The following TCF4 variants were observed in gnomAD, a reference collection of about 807,000 sequenced individuals.
The protein encoded by TCF4 is transcription factor 4, also known as SL3-3 enhancer factor 2.
A neutral mutation model predicts 82.1 loss-of-function variants in TCF4; 3 were observed. That is an observed-to-expected ratio of 0.04 (90% CI 0.02 to 0.09). TCF4 has a LOEUF of 0.09. TCF4 is among the 10% of genes least tolerant of loss of function. The pLI is 1.00. For missense variants in TCF4, 518 were observed against 852.7 expected, an observed-to-expected ratio of 0.61 and a Z score of 4.89; for synonymous variants, 276 against 309.6, an observed-to-expected ratio of 0.89 and a Z score of 1.14.
chr18:55,230,599 C>T (rs1367663966), intron 17 of TCF4: 2 of 152,122 alleles, frequency 1.3e-5, no homozygotes, highest in Non-Finnish European at 2.9e-5. Flanking sequence ...AAGTGACTAA[C>T]AATTAACCTA....
chr18:55,480,356 A>G lies in TCF4; in HGVS notation c.146-16219T>C, dbSNP rs542692110. On this transcript the variant is annotated intron_variant, in intron 3 of 19. Transcript: ENST00000354452. ...CACTTACTGTTATGGTCATAGCATGATATTTGACACCAAAAGGATACAAAA... is the reference window on the plus strand; with the variant it reads ...CACTTACTGTTATGGTCATAGCATGGTATTTGACACCAAAAGGATACAAAA... Among the ~76,000 whole-genome samples, 19 of 149,966 alleles carry G rather than the reference A, an allele frequency of 1.3e-4. No individual in the cohort carries two copies. The South Asian group carries it at 4.0e-3, about 32-fold the overall frequency.
intron 5 of TCF4, among the ~76,000 whole-genome samples, chr18:55,409,024 A>T (rs1454939280): frequency 6.6e-6 from 1 of 152,218 alleles, no homozygotes; most frequent in East Asian, 1.9e-4. Flanking sequence ...ATTCTGTGAC[A>T]TCTTACAATA....
At chr18:55,585,737 G>A (rs1568464085) in intron 2 of TCF4, 1 of 1,086,010 alleles carries the variant, frequency 9.2e-7, no homozygotes, top group Non-Finnish European at 1.1e-6. Flanking sequence ...GGCCATAAAC[G>A]TGGCAATGTC....
At chr18:55,453,307 A>G (rs1050137247) in intron 5 of TCF4, among the ~76,000 whole-genome samples, 10 of 152,220 alleles carry the variant, frequency 6.6e-5, no homozygotes, top group African/African-American at 2.2e-4. Flanking sequence ...GACATCACTG[A>G]GCTGCAAACC....
At chr18:55,515,349 A>C (rs548514044) in intron 3 of TCF4, among the ~76,000 whole-genome samples, 56 of 152,310 alleles carry the variant, frequency 3.7e-4, no homozygotes, top group African/African-American at 1.3e-3. Context: ...TGTTCTGGTC[A>C]CTGAACTACG....
intron 8 of TCF4, among the ~76,000 whole-genome samples, chr18:55,334,383 TA>T (rs2078208553): frequency 6.6e-6 from 1 of 152,152 alleles, no homozygotes; most frequent in East Asian, 1.9e-4. Context: ...TATAGTCCAA[TA>T]AATTATAGGA....
chr18:55,535,038 T>C (rs1187644123), intron 3 of TCF4, among the ~76,000 whole-genome samples: 1 of 152,244 alleles, frequency 6.6e-6, no homozygotes, highest in Non-Finnish European at 1.5e-5. Flanking sequence ...TCTGTTTCCA[T>C]TCCTTGTGCC....
chr18:55,348,714 T>C (rs2081711850), intron 8 of TCF4, among the ~76,000 whole-genome samples: 1 of 152,172 alleles, frequency 6.6e-6, no homozygotes. Flanking sequence ...GCCACACCAA[T>C]GCACTCCTTA....
chr18:55,287,751 C>T (rs2064024643), intron 8 of TCF4, among the ~76,000 whole-genome samples: 1 of 152,192 alleles, frequency 6.6e-6, no homozygotes, highest in Non-Finnish European at 1.5e-5. Flanking sequence ...CAAAGCACAC[C>T]AGGGGTTACA....
At chr18:55,555,418 T>G (rs193016394) in intron 3 of TCF4, among the ~76,000 whole-genome samples, 11 of 152,310 alleles carry the variant, frequency 7.2e-5, no homozygotes, top group Admixed American at 2.6e-4. Context: ...ACAAAACACA[T>G]TAATTCAGCT....
At chr18:55,434,352 T>C (rs1177350162) in intron 5 of TCF4, among the ~76,000 whole-genome samples, 2 of 152,172 alleles carry the variant, frequency 1.3e-5, no homozygotes, top group Non-Finnish European at 2.9e-5. Flanking sequence ...TATTGTGATA[T>C]TGTTCAAAAC....
intron 8 of TCF4, among the ~76,000 whole-genome samples, chr18:55,346,822 T>C (rs1289229922): frequency 6.6e-6 from 1 of 152,196 alleles, no homozygotes; most frequent in South Asian, 2.1e-4. Context: ...GCTTTGTTTC[T>C]GTGTTTGATG....
chr18:55,526,528 T>G (rs1364954963), intron 3 of TCF4, among the ~76,000 whole-genome samples: 1 of 152,176 alleles, frequency 6.6e-6, no homozygotes, highest in East Asian at 1.9e-4. Context: ...CTTCTCATGC[T>G]TGGCACTTAT....
intron 6 of TCF4, chr18:55,401,747 T>C: frequency 1.0e-6 from 1 of 985,936 alleles, no homozygotes; most frequent in Non-Finnish European, 1.2e-6. Context: ...GCAGAGGAAA[T>C]CTTTGTGTCT....
intron 5 of TCF4, among the ~76,000 whole-genome samples, chr18:55,434,982 A>G (rs2095298667): frequency 6.6e-6 from 1 of 152,142 alleles, no homozygotes. Context: ...CTATTAAATT[A>G]TTATTGATTA....
At chr18:55,586,925 G>A in intron 2 of TCF4, 120 bp downstream of exon 2, 1 of 842,270 alleles carries the variant, frequency 1.2e-6, no homozygotes. Context: ...ATTTACCAAG[G>A]ATTCAGCCAA....
At chr18:55,343,975 A>G (rs2080601788) in intron 8 of TCF4, among the ~76,000 whole-genome samples, 1 of 152,166 alleles carries the variant, frequency 6.6e-6, no homozygotes, top group South Asian at 2.1e-4. Context: ...GCAGTTATGT[A>G]AAAAATCAAA....
At chr18:55,509,351 A>C (rs1211437094) in intron 3 of TCF4, among the ~76,000 whole-genome samples, 2 of 152,122 alleles carry the variant, frequency 1.3e-5, no homozygotes, top group Non-Finnish European at 2.9e-5. Context: ...ACACACACAC[A>C]CACAAACACT....
intron 3 of TCF4, among the ~76,000 whole-genome samples, chr18:55,549,343 AT>A (rs1465310057): frequency 6.6e-6 from 1 of 151,986 alleles, no homozygotes. Context: ...AAAAAAAAAA[AT>A]TGACCTTAGC....
Sources: gnomAD v4.1 joint callset for allele counts (sites outside exome capture counted in the v4.1 genomes callset) on GRCh38, gnomAD v4.1.1 for gene constraint, MANE v1.5 for transcripts, NCBI Gene and HGNC (gene_info 2026-07-23, HGNC 2026-07-21) for gene names.